The following TENM3 variants were observed in gnomAD, a reference collection of about 807,000 sequenced individuals.
The protein encoded by TENM3 is teneurin transmembrane protein 3.
In TENM3, 63 loss-of-function variants were observed where a neutral mutation model predicts 255.1. The ratio of observed to expected loss-of-function variants is 0.25; its 90% CI spans 0.20 to 0.30. The LOEUF (loss-of-function observed/expected upper bound fraction) is 0.30. TENM3 is among the 10% of genes least tolerant of loss of function. The probability of loss-of-function intolerance (pLI) is 1.00; values close to 1 mark genes in which losing one functional copy is unlikely to be tolerated. For missense variants in TENM3, 2,929 were observed against 3,461.1 expected, an observed-to-expected ratio of 0.85 and a Z score of 3.86; for synonymous variants, 1,306 against 1,322.3, an observed-to-expected ratio of 0.99 and a Z score of 0.27.
chr4:182,744,058 CATT>C, intron 19 of TENM3: 1 of 804,864 alleles, frequency 1.2e-6, no homozygotes, highest in Non-Finnish European at 1.5e-6. Flanking sequence ...GAATTCAACT[CATT>C]ATATTTTAGA....
intron 1 of TENM3, among the ~76,000 whole-genome samples, chr4:182,175,310 A>ATATAT (rs1452165097): frequency 2.5e-5 from 2 of 79,026 alleles, no homozygotes; most frequent in African/African-American, 8.1e-5. Flanking sequence ...ATTAAAAAAA[A>ATATAT]AAAAATATAT....
At chr4:182,195,753 T>C (rs889654418) in intron 1 of TENM3, among the ~76,000 whole-genome samples, 1 of 152,192 alleles carries the variant, frequency 6.6e-6, no homozygotes, top group African/African-American at 2.4e-5. Context: ...TGTAAAGACA[T>C]TTAAAAAGAA....
At chr4:182,747,791 C>G (rs1297723665) in intron 19 of TENM3, among the ~76,000 whole-genome samples, 3 of 152,136 alleles carry the variant, frequency 2.0e-5, no homozygotes, top group Non-Finnish European at 2.9e-5. Context: ...TTCAGTACCC[C>G]TTATTGACTT....
At chr4:181,730,974 T>G in the TENM3 span, among the ~76,000 whole-genome samples, 1 of 152,282 alleles carries the variant, frequency 6.6e-6, no homozygotes, top group East Asian at 1.9e-4. Context: ...ATGTAAAGAT[T>G]ATAAGAATCC....
At chr4:182,620,397 T>G (rs1292327497) in intron 4 of TENM3, among the ~76,000 whole-genome samples, 1 of 152,204 alleles carries the variant, frequency 6.6e-6, no homozygotes, top group Non-Finnish European at 1.5e-5. Context: ...TATAGTGCAA[T>G]GAAAGAGCCA....
the TENM3 span, among the ~76,000 whole-genome samples, chr4:181,783,355 A>T: frequency 6.6e-6 from 1 of 152,066 alleles, no homozygotes; most frequent in Admixed American, 6.6e-5. Context: ...GCCTGTCTCT[A>T]TCTTTCTCCT....
the TENM3 span, among the ~76,000 whole-genome samples, chr4:181,749,662 A>G: frequency 1.3e-5 from 2 of 152,128 alleles, no homozygotes; most frequent in Non-Finnish European, 2.9e-5. Flanking sequence ...TCAATATTGT[A>G]TACTTTTAGG....
At chr4:181,719,765 A>C in the TENM3 span, among the ~76,000 whole-genome samples, 1 of 152,390 alleles carries the variant, frequency 6.6e-6, no homozygotes, top group Non-Finnish European at 1.5e-5. Context: ...TGTAAGCAAT[A>C]GTCTCTATCA....
intron 3 of TENM3, among the ~76,000 whole-genome samples, chr4:182,512,012 C>T (rs192045004): frequency 1.3e-5 from 2 of 152,298 alleles, no homozygotes; most frequent in African/African-American, 4.8e-5. Context: ...CAAAAGAAGA[C>T]TCTACCCAGG....
chr4:181,824,815 G>A, the TENM3 span, among the ~76,000 whole-genome samples: 1,929 of 152,128 alleles, frequency 0.013, 31 homozygotes, highest in East Asian at 0.085. Flanking sequence ...TATTCTACTC[G>A]GTGTCCTAGC....
At chr4:181,534,750 C>T in the TENM3 span, among the ~76,000 whole-genome samples, 24 of 152,142 alleles carry the variant, frequency 1.6e-4, no homozygotes, top group Non-Finnish European at 1.5e-4. Flanking sequence ...CCCCTCCACC[C>T]GCCGTTCACT....
chr4:182,732,353 A>G (rs1579278795), intron 16 of TENM3, among the ~76,000 whole-genome samples: 1 of 152,316 alleles, frequency 6.6e-6, no homozygotes, highest in African/African-American at 2.4e-5. Flanking sequence ...GTTGTCAGTA[A>G]AAAGTGTTTT....
chr4:182,458,715 A>G lies in TENM3; in HGVS notation c.511+111786A>G, dbSNP rs535927355. On this transcript the variant is annotated intron_variant, in intron 3 of 27. Coordinates refer to ENST00000511685, the MANE Select transcript of TENM3 (RefSeq NM_001080477.4). Reference sequence around the variant, plus strand: ...TGCTACTGGGTTAGTTTATTTTTCCATACATGTCCTGCTTTCTTTGTGTAT... The same window carrying G: ...TGCTACTGGGTTAGTTTATTTTTCCGTACATGTCCTGCTTTCTTTGTGTAT... Among the ~76,000 whole-genome samples, 9 of 152,330 alleles carry G rather than the reference A, an allele frequency of 5.9e-5. No individual in the cohort carries two copies. In the East Asian group the frequency reaches 7.7e-4, roughly 13 times the overall value.
At chr4:181,964,830 A>T in the TENM3 span, among the ~76,000 whole-genome samples, 1 of 152,174 alleles carries the variant, frequency 6.6e-6, no homozygotes, top group Non-Finnish European at 1.5e-5. Flanking sequence ...TGGAAAGGGA[A>T]AGAGAATGCA....
At chr4:182,381,306 A>G (rs1157862723) in intron 3 of TENM3, among the ~76,000 whole-genome samples, 1 of 152,178 alleles carries the variant, frequency 6.6e-6, no homozygotes, top group Non-Finnish European at 1.5e-5. Flanking sequence ...CACTCCAGTT[A>G]GTTATATCTC....
At position 182,244,315 on chromosome 4, in the gene TENM3, G is replaced by T. The variant is rs115672806; in HGVS notation, c.-76+839G>T. ...ATTAGACCACCATGGTGGTCACGGC[G>T]ATCACAAAATATTTTTAACTGGTTT... On this transcript the variant is annotated intron_variant, in intron 1 of 27. Transcript: ENST00000511685. 7.6e-3 allele frequency among the ~76,000 whole-genome samples: 1,155 copies of T among 152,154 alleles called. 4 individuals carry two copies. The highest frequency in any genetic ancestry group is 0.011 in the Non-Finnish European group (753 of 68,014).
intron 2 of TENM3, among the ~76,000 whole-genome samples, chr4:182,334,996 T>C (rs1764008233): frequency 6.6e-6 from 1 of 152,094 alleles, no homozygotes; most frequent in Admixed American, 6.6e-5. Context: ...CATCTCTCTA[T>C]CTTTTTCATC....
intron 3 of TENM3, among the ~76,000 whole-genome samples, chr4:182,522,810 A>T (rs984156612): frequency 6.6e-6 from 1 of 152,182 alleles, no homozygotes; most frequent in Non-Finnish European, 1.5e-5. Context: ...CCTCTTGGAT[A>T]TCCAGCAGAG....
At chr4:181,639,380 C>T in the TENM3 span, among the ~76,000 whole-genome samples, 3 of 152,344 alleles carry the variant, frequency 2.0e-5, no homozygotes, top group East Asian at 5.8e-4. Context: ...CATCCACATG[C>T]AGCCAAGGCA....
Sources: gnomAD v4.1 joint callset for allele counts (sites outside exome capture counted in the v4.1 genomes callset) on GRCh38, gnomAD v4.1.1 for gene constraint, MANE v1.5 for transcripts, NCBI Gene and HGNC (gene_info 2026-07-23, HGNC 2026-07-21) for gene names.